Variants in VWC2L observed in about 807,000 individuals in gnomAD.
VWC2L encodes von Willebrand factor C domain-containing protein 2-like.
A neutral mutation model predicts 21.6 loss-of-function variants in VWC2L; 10 were observed. The ratio of observed to expected loss-of-function variants is 0.46; its 90% CI spans 0.29 to 0.78. VWC2L has a LOEUF of 0.78. Ranked by LOEUF, VWC2L falls within the 30% of genes least tolerant of loss-of-function variation. The probability of loss-of-function intolerance (pLI) is 0.10; values close to 1 mark genes in which losing one functional copy is unlikely to be tolerated. For synonymous variants in VWC2L, 96 were observed against 94.3 expected (o/e 1.02, Z -0.10); for missense variants, 209 against 277.1 (o/e 0.75, Z 1.74).
rs267599196 is a variant in VWC2L at position 214,414,553 on chromosome 2, G to C, written c.360G>C (p.Gly120=). The change falls in exon 2 of 4, where the codon GGG becomes GGC. Residue 120 remains glycine, a synonymous_variant. Coordinates refer to ENST00000312504, the MANE Select transcript of VWC2L (RefSeq NM_001080500.4). ...KEVKNFCEYH[G]KNYKILEEFK... ...TAAAAAACTTCTGTGAATATCACGG[G>C]AAAAATTACAAAATCTTGGAGGAAT... 2.5e-6 allele frequency: 4 copies of C among 1,612,602 alleles called. No homozygotes were observed. The highest frequency in any genetic ancestry group is 3.4e-6 in the Non-Finnish European group (4 of 1,179,456).
intron 3 of VWC2L, among the ~76,000 whole-genome samples, chr2:214,518,844 C>T (rs1487596823): frequency 6.6e-6 from 1 of 152,098 alleles, no homozygotes; most frequent in Admixed American, 6.5e-5. Flanking sequence ...AATTGCAATG[C>T]AAATATTAAC....
At chr2:214,453,904 A>T (rs1215626322) in intron 3 of VWC2L, among the ~76,000 whole-genome samples, 1 of 151,670 alleles carries the variant, frequency 6.6e-6, no homozygotes, top group Non-Finnish European at 1.5e-5. Flanking sequence ...GCATTTTAGT[A>T]GAGATGGGGT....
chr2:214,567,768 C>G (rs915726327), intron 3 of VWC2L, among the ~76,000 whole-genome samples: 17 of 152,146 alleles, frequency 1.1e-4, no homozygotes, highest in Non-Finnish European at 1.9e-4. Context: ...TCCCACCCCA[C>G]GCACTTATTA....
At chr2:214,565,793 G>A (rs1218710775) in intron 3 of VWC2L, among the ~76,000 whole-genome samples, 4 of 152,128 alleles carry the variant, frequency 2.6e-5, no homozygotes, top group Non-Finnish European at 5.9e-5. Flanking sequence ...CTTTGCATAT[G>A]TGAATTCATT....
intron 3 of VWC2L, among the ~76,000 whole-genome samples, chr2:214,511,340 TC>T (rs1559313150): frequency 6.6e-6 from 1 of 151,500 alleles, no homozygotes; most frequent in South Asian, 2.1e-4. Flanking sequence ...TAAATTGTGG[TC>T]CCCCCTCAAA....
At chr2:214,418,402 G>A (rs951061848) in intron 2 of VWC2L, among the ~76,000 whole-genome samples, 9 of 152,118 alleles carry the variant, frequency 5.9e-5, no homozygotes, top group African/African-American at 2.2e-4. Flanking sequence ...GGAAAAAGTA[G>A]GACTCCAAGC....
intron 3 of VWC2L, among the ~76,000 whole-genome samples, chr2:214,523,302 A>G (rs561551273): frequency 6.6e-6 from 1 of 152,222 alleles, no homozygotes; most frequent in South Asian, 2.1e-4. Context: ...CAAGAGCCAA[A>G]ACAGTCTGCA....
At chr2:214,476,995 A>T (rs1238866105) in intron 3 of VWC2L, among the ~76,000 whole-genome samples, 1 of 152,204 alleles carries the variant, frequency 6.6e-6, no homozygotes, top group Non-Finnish European at 1.5e-5. Context: ...TCAGGAAACT[A>T]ACTTTTATGT....
rs1339193270 is a variant in VWC2L, at chr2:214,495,521, C to G, written c.520+58763C>G. ...GTTTTGCCCAGTTGATGGACTACCA[C>G]TTAGGAACCACTGGCAGAGAACTTC... On this transcript the variant is annotated intron_variant, in intron 3 of 3. Coordinates refer to ENST00000312504, the MANE Select transcript of VWC2L (RefSeq NM_001080500.4). Among the ~76,000 whole-genome samples the G allele has an allele frequency of 2.6e-5, 4 of 152,158 alleles. No homozygotes were observed. The East Asian group carries it at 7.7e-4, about 29-fold the overall frequency.
At chr2:214,472,818 T>C (rs1414593559) in intron 3 of VWC2L, among the ~76,000 whole-genome samples, 4 of 152,204 alleles carry the variant, frequency 2.6e-5, no homozygotes, top group African/African-American at 9.7e-5. Flanking sequence ...TACAAGTCAT[T>C]GAGCATTATA....
intron 2 of VWC2L, among the ~76,000 whole-genome samples, chr2:214,416,343 C>A (rs1220226997): frequency 6.6e-6 from 1 of 151,976 alleles, no homozygotes; most frequent in Non-Finnish European, 1.5e-5. Context: ...TGTACCCCTT[C>A]TCGTTATAAC....
intron 3 of VWC2L, among the ~76,000 whole-genome samples, chr2:214,530,036 A>C (rs774743517): frequency 6.6e-6 from 1 of 152,232 alleles, no homozygotes; most frequent in Admixed American, 6.5e-5. Context: ...CAAAAGCTGA[A>C]ACAGCAATAA....
At chr2:214,536,637 C>G (rs541876713) in intron 3 of VWC2L, 1 of 152,038 alleles carries the variant, frequency 6.6e-6, no homozygotes, top group Non-Finnish European at 1.5e-5. Flanking sequence ...TAGCATTAAT[C>G]TTATGTTCTT....
intron 2 of VWC2L, among the ~76,000 whole-genome samples, chr2:214,417,080 G>C (rs914641160): frequency 1.3e-5 from 2 of 152,066 alleles, no homozygotes; most frequent in African/African-American, 4.8e-5. Flanking sequence ...GCCATAATCT[G>C]TCATCTTGAT....
chr2:214,481,287 T>C (rs1473677666), intron 3 of VWC2L, among the ~76,000 whole-genome samples: 1 of 152,184 alleles, frequency 6.6e-6, no homozygotes, highest in Non-Finnish European at 1.5e-5. Context: ...TAACAGATCT[T>C]ACAGCTTCTG....
intron 3 of VWC2L, among the ~76,000 whole-genome samples, chr2:214,487,495 A>C (rs1455226797): frequency 6.6e-6 from 1 of 152,220 alleles, no homozygotes; most frequent in Admixed American, 6.5e-5. Flanking sequence ...AGACAGTGGC[A>C]TGCCCAATGT....
chr2:214,575,550 A>G, intron 3 of VWC2L, 122 bp from the exon 4 acceptor site: 1 of 1,047,416 alleles, frequency 9.5e-7, no homozygotes, highest in Non-Finnish European at 1.4e-6. Flanking sequence ...AAATTCCTTG[A>G]TGATAAGTCA....
chr2:214,460,003 G>A (rs1047290422), intron 3 of VWC2L, among the ~76,000 whole-genome samples: 1 of 146,764 alleles, frequency 6.8e-6, no homozygotes, highest in Admixed American at 6.9e-5. Context: ...CGTCTCCCAG[G>A]TTCGAGTAAC....
At chr2:214,461,835 G>A (rs912936885) in intron 3 of VWC2L, among the ~76,000 whole-genome samples, 4 of 152,172 alleles carry the variant, frequency 2.6e-5, no homozygotes. Flanking sequence ...CCGCAACCAG[G>A]ACAGTCGCAG....
Sources: allele counts gnomAD v4.1 joint callset (sites outside exome capture counted in the v4.1 genomes callset), GRCh38; gene constraint gnomAD v4.1.1; transcripts MANE v1.5; gene names NCBI Gene and HGNC (gene_info 2026-07-23, HGNC 2026-07-21).